HIRA: variants seen among roughly 807,000 people sequenced by gnomAD.
HIRA encodes histone cell cycle regulator, also known as protein HIRA.
Under a neutral mutation model 126.6 loss-of-function variants are expected in HIRA, and 13 were observed. That is an observed-to-expected ratio of 0.10 (90% CI 0.07 to 0.16). The LOEUF is 0.16. HIRA is among the 10% of genes least tolerant of loss of function. HIRA has a pLI of 1.00. For missense variants in HIRA, 834 were observed against 1,314.4 expected, an observed-to-expected ratio of 0.63 and a Z score of 5.65; for synonymous variants, 511 against 520.0, an observed-to-expected ratio of 0.98 and a Z score of 0.24.
At chr22:19,410,625 C>G (rs2089344722) in intron 2 of HIRA, 91 bp downstream of exon 2, 5 of 880,314 alleles carry the variant, frequency 5.7e-6, no homozygotes, top group Non-Finnish European at 7.5e-6. Flanking sequence ...TGAAAAATAG[C>G]AAGTATTCCC....
intron 15 of HIRA, among the ~76,000 whole-genome samples, chr22:19,366,894 T>C (rs1319270575): frequency 6.6e-6 from 1 of 152,156 alleles, no homozygotes; most frequent in Non-Finnish European, 1.5e-5. Flanking sequence ...CCCGAGTAGC[T>C]AGGACTACAG....
At chr22:19,415,399 A>C (rs1463292933) in intron 1 of HIRA, among the ~76,000 whole-genome samples, 1 of 152,242 alleles carries the variant, frequency 6.6e-6, no homozygotes, top group Non-Finnish European at 1.5e-5. Context: ...TTGTACACTG[A>C]AACTATAAAA....
chr22:19,385,740 G>A lies in HIRA; in HGVS notation c.1114-4C>T. 1.2e-6 allele frequency: 2 copies of A among 1,611,756 alleles called. No homozygotes were observed. Among genetic ancestry groups the A allele is most frequent in the African/African-American group, 2.7e-5 (2 of 75,004 alleles). ...AGGTGGACTGGTGAATGCGGCTCTGGGGAAGCAAGGAGAGGCATGACATGC... is the reference window on the plus strand; with the variant it reads ...AGGTGGACTGGTGAATGCGGCTCTGAGGAAGCAAGGAGAGGCATGACATGC... On this transcript the variant is annotated splice_region_variant and splice_polypyrimidine_tract_variant and intron_variant, in intron 11 of 24. Transcript: ENST00000263208.
At chr22:19,400,126 C>T (rs1334549692) in intron 5 of HIRA, among the ~76,000 whole-genome samples, 1 of 152,186 alleles carries the variant, frequency 6.6e-6, no homozygotes, top group East Asian at 1.9e-4. Flanking sequence ...TTTCACCTCT[C>T]TACTTTTTTA....
intron 15 of HIRA, among the ~76,000 whole-genome samples, chr22:19,373,369 G>A (rs188421914): frequency 6.6e-5 from 10 of 152,258 alleles, no homozygotes; most frequent in Admixed American, 2.0e-4. Flanking sequence ...CAGGTTTATA[G>A]AAACCTAAGT....
rs900232719 is a variant in HIRA at position 19,391,993 on chromosome 22, T to C, written c.936+108A>G. 104 of 552,746 alleles carry C rather than the reference T, an allele frequency of 1.9e-4. 1 individual carries two copies. Among genetic ancestry groups the C allele is most frequent in the East Asian group, 1.8e-3 (61 of 33,774 alleles). The allele number at this position is 552,746 out of a possible 1,614,324, so 34.2% of individuals were successfully genotyped here. A position where few individuals can be genotyped will look rare whatever the true frequency, so the allele number is the denominator to read the frequency against. On this transcript the variant is annotated intron_variant, in intron 9 of 24. Coordinates refer to ENST00000263208, the MANE Select transcript of HIRA (RefSeq NM_003325.4). ...GGAGGGGCTGACCCCAGGTGCAGAATAGAAATACACTCTTAGCATCACCCA... is the reference window on the plus strand; with the variant it reads ...GGAGGGGCTGACCCCAGGTGCAGAACAGAAATACACTCTTAGCATCACCCA...
chr22:19,350,551 T>A (rs1181878100), intron 24 of HIRA, among the ~76,000 whole-genome samples: 2 of 152,200 alleles, frequency 1.3e-5, no homozygotes, highest in African/African-American at 4.8e-5. Context: ...CCAAAATACA[T>A]CTTGAATCTG....
intron 1 of HIRA, among the ~76,000 whole-genome samples, chr22:19,417,169 C>T (rs2089405255): frequency 6.6e-6 from 1 of 151,968 alleles, no homozygotes; most frequent in African/African-American, 2.4e-5. Context: ...CATTGCACTC[C>T]AGCCTGGGCG....
chr22:19,334,567 A>T (rs986180261), intron 24 of HIRA, among the ~76,000 whole-genome samples: 1 of 151,082 alleles, frequency 6.6e-6, no homozygotes, highest in Non-Finnish European at 1.5e-5. Flanking sequence ...CGGCTGGATC[A>T]CTTGAGGTCA....
At chr22:19,415,282 C>T (rs1259167450) in intron 1 of HIRA, among the ~76,000 whole-genome samples, 2 of 152,096 alleles carry the variant, frequency 1.3e-5, no homozygotes, top group Non-Finnish European at 2.9e-5. Context: ...TTTCTATACA[C>T]CAACAATGAA....
chr22:19,356,760 C>T, intron 19 of HIRA, 130 bp downstream of exon 19: 1 of 882,314 alleles, frequency 1.1e-6, no homozygotes, highest in South Asian at 1.7e-5. Flanking sequence ...TCACTAACTG[C>T]TCAGGGCCTC....
At chr22:19,375,822 A>C (rs1323888128) in intron 14 of HIRA, 30 bp from the exon 15 acceptor site, 5 of 1,612,016 alleles carry the variant, frequency 3.1e-6, no homozygotes, top group African/African-American at 1.3e-5. Flanking sequence ...AGGCATGTCA[A>C]GCGCAATCCT....
intron 2 of HIRA, among the ~76,000 whole-genome samples, chr22:19,409,068 A>C (rs1414511617): frequency 6.6e-6 from 1 of 152,178 alleles, no homozygotes; most frequent in Non-Finnish European, 1.5e-5. Flanking sequence ...CTCCCCTTCC[A>C]GGTGCTGCCT....
At chr22:19,349,881 T>A (rs1470002929) in intron 24 of HIRA, among the ~76,000 whole-genome samples, 8 of 152,232 alleles carry the variant, frequency 5.3e-5, no homozygotes, top group Non-Finnish European at 1.2e-4. Context: ...ACCTCAGGCC[T>A]TTGCACTTTC....
intron 3 of HIRA, among the ~76,000 whole-genome samples, chr22:19,407,662 G>A (rs1050233823): frequency 6.6e-6 from 1 of 152,190 alleles, no homozygotes. Flanking sequence ...GCTAAAAAGG[G>A]TCAGATGCTT....
chr22:19,364,173 G>A (rs76378054), intron 15 of HIRA, among the ~76,000 whole-genome samples: 2 of 150,788 alleles, frequency 1.3e-5, no homozygotes, highest in Non-Finnish European at 3.0e-5. Flanking sequence ...AAAAAAAAAA[G>A]CGAGGACTGG....
At chr22:19,340,580 GCT>G (rs2088616775) in intron 24 of HIRA, among the ~76,000 whole-genome samples, 1 of 152,024 alleles carries the variant, frequency 6.6e-6, no homozygotes, top group Non-Finnish European at 1.5e-5. Context: ...TCAAAATATC[GCT>G]GTTTGCCAAT....
At chr22:19,377,326 T>C (rs2089029020) in intron 14 of HIRA, among the ~76,000 whole-genome samples, 1 of 152,236 alleles carries the variant, frequency 6.6e-6, no homozygotes. Context: ...GAGCAGGTGC[T>C]GAGCAAACGT....
intron 24 of HIRA, among the ~76,000 whole-genome samples, chr22:19,336,304 C>T (rs1211962658): frequency 1.3e-5 from 2 of 152,214 alleles, no homozygotes; most frequent in Non-Finnish European, 2.9e-5. Flanking sequence ...TGCAAAAGCA[C>T]ACCAGGAAGA....
Sources: gnomAD v4.1 joint callset for allele counts (sites outside exome capture counted in the v4.1 genomes callset) on GRCh38, gnomAD v4.1.1 for gene constraint, MANE v1.5 for transcripts, NCBI Gene and HGNC (gene_info 2026-07-23, HGNC 2026-07-21) for gene names.